EYS: variants seen among roughly 807,000 people sequenced by gnomAD.
The protein encoded by EYS is protein eyes shut homolog.
EYS carries 250 observed loss-of-function variants against 282.1 expected under a neutral mutation model. That is an observed-to-expected ratio of 0.89 (90% CI 0.80 to 0.98). The LOEUF is 0.98. Ranked by LOEUF, EYS falls within the 50% of genes least tolerant of loss-of-function variation. The pLI, the probability that EYS is intolerant of heterozygous loss-of-function variation, is 0.00. For missense variants in EYS, 4,016 were observed against 3,709.0 expected (o/e 1.08, Z -2.15); for synonymous variants, 1,355 against 1,282.9 (o/e 1.06, Z -1.20).
At chr6:63,766,735 A>C (rs1769798552) in intron 40 of EYS, among the ~76,000 whole-genome samples, 1 of 152,066 alleles carries the variant, frequency 6.6e-6, no homozygotes, top group Non-Finnish European at 1.5e-5. Context: ...AGAGAGGTTA[A>C]GTCTGCTAAT....
intron 5 of EYS, among the ~76,000 whole-genome samples, chr6:65,429,691 G>T (rs1023447175): frequency 4.6e-5 from 7 of 151,648 alleles, no homozygotes; most frequent in South Asian, 4.2e-4. Context: ...AAGCAAAAGA[G>T]AATAAAATGT....
At chr6:64,140,556 C>T (rs563441696) in intron 31 of EYS, among the ~76,000 whole-genome samples, 46 of 152,290 alleles carry the variant, frequency 3.0e-4, no homozygotes, top group African/African-American at 1.0e-3. Flanking sequence ...CAATGAGCAA[C>T]TCTAGCAAGA....
At chr6:65,009,645 C>T (rs1771802988) in intron 13 of EYS, among the ~76,000 whole-genome samples, 1 of 152,178 alleles carries the variant, frequency 6.6e-6, no homozygotes, top group Non-Finnish European at 1.5e-5. Flanking sequence ...ATTCTCATAC[C>T]TGGACACTCT....
chr6:64,525,411 C>T (rs1450918135), intron 26 of EYS, among the ~76,000 whole-genome samples: 2 of 151,746 alleles, frequency 1.3e-5, no homozygotes, highest in Admixed American at 6.6e-5. Context: ...CCTTAGCAAA[C>T]TAACGCAGGG....
chr6:65,470,226 A>C (rs1162256151), intron 5 of EYS, among the ~76,000 whole-genome samples: 1 of 152,116 alleles, frequency 6.6e-6, no homozygotes, highest in East Asian at 1.9e-4. Flanking sequence ...GTATAGACTT[A>C]AGAAATTTTT....
rs565204525 is a variant in EYS at position 63,721,543 on chromosome 6, T to G, written c.8488A>C (p.Asn2830His). 3 of 1,551,756 alleles carry G rather than the reference T, an allele frequency of 1.9e-6. No individual in the cohort carries two copies. The highest frequency in any genetic ancestry group is 2.4e-5 in the East Asian group (1 of 40,914). The change falls in exon 43 of 43, where the codon AAT becomes CAT. Residue 2830 changes from asparagine to histidine, a missense_variant. Physicochemically the swap from Asn to His is moderately conservative, Grantham distance 68. Transcript: ENST00000503581. The part of the protein sequence containing the change: ...DFYIGGVSSL[N>H]LVNPMAIENE... Reference sequence around the variant, plus strand: ...TCTATTGCCATGGGATTTACAAGATTTAAAGAAGATACTCCTCCAATATAG... The same window carrying G: ...TCTATTGCCATGGGATTTACAAGATGTAAAGAAGATACTCCTCCAATATAG...
intron 26 of EYS, among the ~76,000 whole-genome samples, chr6:64,511,524 T>A (rs568141582): frequency 6.6e-6 from 1 of 152,096 alleles, no homozygotes; most frequent in Admixed American, 6.6e-5. Context: ...ATATCCATTA[T>A]GATACTATCA....
At chr6:63,840,211 CTTATTA>C (rs377459471) in intron 36 of EYS, among the ~76,000 whole-genome samples, 10 of 140,448 alleles carry the variant, frequency 7.1e-5, no homozygotes, top group African/African-American at 2.4e-4. Context: ...CCATGCCCAT[CTTATTA>C]TTATTATTAT....
intron 5 of EYS, among the ~76,000 whole-genome samples, chr6:65,485,533 G>T (rs1416161044): frequency 6.6e-6 from 1 of 152,220 alleles, no homozygotes; most frequent in Non-Finnish European, 1.5e-5. Context: ...GGCTGTGCGT[G>T]GTGGCTCACT....
chr6:65,560,303 A>T, intron 2 of EYS, among the ~76,000 whole-genome samples: 1 of 140,066 alleles, frequency 7.1e-6, no homozygotes, highest in African/African-American at 2.8e-5. Context: ...ACATATAATA[A>T]TATATAATAT....
At chr6:64,460,539 A>G (rs1211671047) in intron 26 of EYS, among the ~76,000 whole-genome samples, 1 of 152,212 alleles carries the variant, frequency 6.6e-6, no homozygotes. Context: ...TAGATTCCTT[A>G]TGCTTAAAAA....
intron 26 of EYS, among the ~76,000 whole-genome samples, chr6:64,546,548 G>A (rs1279020819): frequency 1.3e-5 from 2 of 152,196 alleles, no homozygotes; most frequent in African/African-American, 4.8e-5. Context: ...AAGAGCTTCT[G>A]CCCAGCAAAA....
In EYS at chr6:65,467,110, G is replaced by T. The variant is rs576321764; in HGVS notation, c.862+23484C>A. 6.6e-5 allele frequency among the ~76,000 whole-genome samples: 10 copies of T among 152,158 alleles called. No homozygotes were observed. The South Asian group carries it at 2.1e-3, about 32-fold the overall frequency. On this transcript the variant is annotated intron_variant, in intron 5 of 42. Coordinates refer to ENST00000503581, the MANE Select transcript of EYS (RefSeq NM_001142800.2). ...TAATAGCTAAAAATCTTCTTGTTTGGACTATTTTTAAAACCATTATGTATG... is the reference window on the plus strand; with the variant it reads ...TAATAGCTAAAAATCTTCTTGTTTGTACTATTTTTAAAACCATTATGTATG...
chr6:65,067,166 A>G (rs1271241268), intron 12 of EYS, among the ~76,000 whole-genome samples: 1 of 152,162 alleles, frequency 6.6e-6, no homozygotes, highest in African/African-American at 2.4e-5. Context: ...ACAAAGAGAC[A>G]TGTATGTGGA....
chr6:64,378,355 AATT>A (rs1229048056), intron 29 of EYS, among the ~76,000 whole-genome samples: 1 of 152,124 alleles, frequency 6.6e-6, no homozygotes, highest in Non-Finnish European at 1.5e-5. Flanking sequence ...CCAAAATGAT[AATT>A]ATTTTTAAAC....
rs532829649 is a variant in EYS at position 64,233,407 on chromosome 6, T to G, written c.6192-2583A>C. ...TAGAATGAAATAAAATGTATTCAAT[T>G]TGTTATATATTTAAAAAGGAAAATT... On this transcript the variant is annotated intron_variant, in intron 30 of 42. Transcript: ENST00000503581. Among the ~76,000 whole-genome samples, 4 of 152,306 alleles carry G rather than the reference T, an allele frequency of 2.6e-5. No homozygotes were observed. The South Asian group carries it at 8.3e-4, about 32-fold the overall frequency.
chr6:64,457,933 T>C (rs1775607922), intron 26 of EYS, among the ~76,000 whole-genome samples: 2 of 151,910 alleles, frequency 1.3e-5, no homozygotes, highest in Admixed American at 6.6e-5. Context: ...TTTATTTTGT[T>C]TGTGTGTGTG....
intron 28 of EYS, among the ~76,000 whole-genome samples, chr6:64,413,525 AAAC>A (rs140486442): frequency 0.68 from 98,712 of 146,022 alleles, 33,313 homozygotes; most frequent in Non-Finnish European, 0.71. Flanking sequence ...ATTCTTGTCC[AAAC>A]AACAACAACA....
intron 14 of EYS, among the ~76,000 whole-genome samples, chr6:64,972,798 C>G (rs1268055951): frequency 6.6e-6 from 1 of 152,024 alleles, no homozygotes; most frequent in Non-Finnish European, 1.5e-5. Context: ...TTGGTGCCCC[C>G]AACACCCACA....
Sources: gnomAD v4.1 joint callset for allele counts (sites outside exome capture counted in the v4.1 genomes callset) on GRCh38, gnomAD v4.1.1 for gene constraint, MANE v1.5 for transcripts, NCBI Gene and HGNC (gene_info 2026-07-23, HGNC 2026-07-21) for gene names.